NAF1: variants seen among roughly 807,000 people sequenced by gnomAD.
NAF1 encodes the protein nuclear assembly factor 1 ribonucleoprotein, also known as H/ACA ribonucleoprotein complex non-core subunit NAF1.
A neutral mutation model predicts 40.6 loss-of-function variants in NAF1; 11 were observed. The ratio of observed to expected loss-of-function variants is 0.27; its 90% confidence interval spans 0.17 to 0.45. The LOEUF (loss-of-function observed/expected upper bound fraction) is 0.45. Among genes scored for constraint, NAF1 ranks in the 20% least tolerant of loss-of-function variants. The pLI, the probability that NAF1 is intolerant of heterozygous loss-of-function variation, is 1.00. For synonymous variants in NAF1, 260 were observed against 228.5 expected (o/e 1.14, Z -1.24); for missense variants, 607 against 611.1 (o/e 0.99, Z 0.07).
intron 6 of NAF1, among the ~76,000 whole-genome samples, chr4:163,133,817 T>G (rs1028128072): frequency 3.3e-5 from 5 of 152,048 alleles, no homozygotes; most frequent in East Asian, 1.9e-4. Flanking sequence ...AAAAGCTTTT[T>G]TGTGTGTGTG....
At chr4:163,142,616 A>C (rs139057495) in intron 4 of NAF1, among the ~76,000 whole-genome samples, 54 of 152,368 alleles carry the variant, frequency 3.5e-4, no homozygotes, top group Non-Finnish European at 7.2e-4. Flanking sequence ...TAAAGTTTTA[A>C]GTAAAACAAC....
At chr4:163,112,745 C>A (rs1254004683) in intron 2 of NAF1, among the ~76,000 whole-genome samples, 1 of 152,088 alleles carries the variant, frequency 6.6e-6, no homozygotes, top group Non-Finnish European at 1.5e-5. Flanking sequence ...TATGTCCACC[C>A]AATAAAACTG....
intron 7 of NAF1, among the ~76,000 whole-genome samples, chr4:163,131,239 T>G (rs1323035481): frequency 6.6e-6 from 1 of 152,094 alleles, no homozygotes; most frequent in Admixed American, 6.5e-5. Flanking sequence ...AAAGAAATAA[T>G]CAATATGCTG....
chr4:163,145,934 CT>C (rs1246493716), intron 3 of NAF1, 70 bp from the exon 4 acceptor site: 1 of 816,716 alleles, frequency 1.2e-6, no homozygotes, highest in African/African-American at 1.8e-5. Flanking sequence ...AAAATCTAAG[CT>C]TTAATTCCAA....
At chr4:163,132,850 T>C (rs773308129) in intron 7 of NAF1, among the ~76,000 whole-genome samples, 1 of 152,242 alleles carries the variant, frequency 6.6e-6, no homozygotes, top group Non-Finnish European at 1.5e-5. Flanking sequence ...GACACTGTGA[T>C]TTAGGGGTTC....
chr4:163,154,655 G>A (rs1297817182), intron 2 of NAF1, among the ~76,000 whole-genome samples: 1 of 152,082 alleles, frequency 6.6e-6, no homozygotes, highest in Non-Finnish European at 1.5e-5. Context: ...GGCGGATCCT[G>A]AGGTCAGGAG....
chr4:163,126,864 C>T, downstream of NAF1: 3 of 1,406,156 alleles, frequency 2.1e-6, no homozygotes, highest in Non-Finnish European at 2.8e-6. Context: ...GAGTCCAGAC[C>T]TTCCAACAGC....
At chr4:163,149,403 TC>T (rs1313605684) in intron 2 of NAF1, among the ~76,000 whole-genome samples, 1 of 152,188 alleles carries the variant, frequency 6.6e-6, no homozygotes, top group East Asian at 1.9e-4. Context: ...TCCTGAGTAA[TC>T]ATATTACCCC....
rs536878193 is a variant in NAF1 at position 163,111,086 on chromosome 4, G to A, written c.115-796C>T. ...AAAAAAACTTTTTTGTAGATTTCTG[G>A]ACATAACTTCAACTATTGCATAACT... On this transcript the variant is annotated intron_variant, in intron 2 of 2. Coordinates refer to the NAF1 transcript ENST00000509434. Among the ~76,000 whole-genome samples the A allele has an allele frequency of 2.6e-5, 4 of 152,148 alleles. No individual in the cohort carries two copies. The South Asian group carries it at 8.3e-4, about 32-fold the overall frequency.
In NAF1 at chr4:163,133,355, T is replaced by C. The variant is rs560392325; in HGVS notation, c.931-99A>G. 5.4e-5 allele frequency: 44 copies of C among 808,736 alleles called. No homozygotes were observed. The South Asian group carries it at 7.9e-4, about 15-fold the overall frequency. The allele number at this position is 808,736 out of a possible 1,614,324, so 50.1% of individuals were successfully genotyped here. A position where few individuals can be genotyped will look rare whatever the true frequency, so the allele number is the denominator to read the frequency against. On this transcript the variant is annotated intron_variant, in intron 6 of 7. Transcript: ENST00000274054. ...AGAAAATAAGCCTATTATGCATCAA[T>C]GACTCTAAAAAAAGTTGTCTTTTTG...
At chr4:163,132,382 A>G (rs996329677) in intron 7 of NAF1, among the ~76,000 whole-genome samples, 10 of 152,220 alleles carry the variant, frequency 6.6e-5, no homozygotes, top group Admixed American at 2.0e-4. Flanking sequence ...GTTACTCTGT[A>G]ATGAAGAGGA....
chr4:163,130,126 C>T (rs1010605549), intron 7 of NAF1, among the ~76,000 whole-genome samples: 4 of 152,108 alleles, frequency 2.6e-5, no homozygotes, highest in African/African-American at 9.7e-5. Context: ...TCACAACAAA[C>T]CCAGCTAAAT....
intron 2 of NAF1, among the ~76,000 whole-genome samples, chr4:163,118,065 T>C (rs753453134): frequency 1.3e-5 from 2 of 152,150 alleles, no homozygotes; most frequent in Non-Finnish European, 2.9e-5. Context: ...ACAACTGACC[T>C]GGAAATCTGT....
chr4:163,107,969 ACAGGAAT>A (rs1203331923), downstream of NAF1, among the ~76,000 whole-genome samples: 1 of 152,228 alleles, frequency 6.6e-6, no homozygotes, highest in Non-Finnish European at 1.5e-5. Context: ...TGTTTGACAT[ACAGGAAT>A]TGAAACATCA....
Position 163,148,202 on chromosome 4 carries a change from T to G in NAF1, c.634+139A>C, listed in dbSNP as rs575486541. 140 of 418,372 alleles carry G rather than the reference T, an allele frequency of 3.3e-4. 1 individual carries two copies. The highest frequency in any genetic ancestry group is 9.5e-5 in the Non-Finnish European group (22 of 231,420). The allele number at this position is 418,372 out of a possible 1,614,324, so 25.9% of individuals were successfully genotyped here. ...AATTTTAGTATATGAAAACTGAATT[T>G]TATCCCTTCAAACTTAATGACTATA... On this transcript the variant is annotated intron_variant, in intron 3 of 7. Transcript: ENST00000274054.
chr4:163,126,970 G>T, downstream of NAF1: 1 of 1,545,804 alleles, frequency 6.5e-7, no homozygotes, highest in South Asian at 1.2e-5. Context: ...GGTTTTTTTA[G>T]ACACAATGCT....
intron 4 of NAF1, chr4:163,144,053 C>T (rs1242538473): frequency 1.0e-6 from 1 of 968,432 alleles, no homozygotes; most frequent in Admixed American, 6.2e-5. Context: ...AGAAAATCAT[C>T]ACATCCTACC....
At chr4:163,133,716 T>C (rs1189630547) in intron 6 of NAF1, 1 of 153,780 alleles carries the variant, frequency 6.5e-6, no homozygotes, top group Admixed American at 6.4e-5. Context: ...TTTTTAAATA[T>C]AATTTTAGGT....
intron 6 of NAF1, among the ~76,000 whole-genome samples, chr4:163,133,967 C>T (rs1410337061): frequency 2.0e-5 from 3 of 152,004 alleles, no homozygotes; most frequent in Non-Finnish European, 4.4e-5. Flanking sequence ...TAGTTTGAGG[C>T]CAGCCTGATC....
Sources: gnomAD v4.1 joint callset for allele counts (sites outside exome capture counted in the v4.1 genomes callset) on GRCh38, gnomAD v4.1.1 for gene constraint, MANE v1.5 for transcripts, NCBI Gene and HGNC (gene_info 2026-07-23, HGNC 2026-07-21) for gene names.